TPD52L1: variants seen among roughly 807,000 people sequenced by gnomAD.
The protein encoded by TPD52L1 is tumor protein D53.
TPD52L1 carries 18 observed loss-of-function variants against 28.7 expected under a neutral mutation model. The observed-to-expected ratio is 0.63, with a 90% confidence interval of 0.43 to 0.93. TPD52L1 has a LOEUF of 0.93. TPD52L1 is among the 40% of genes least tolerant of loss of function. The pLI, the probability that TPD52L1 is intolerant of heterozygous loss-of-function variation, is 0.00. For synonymous variants in TPD52L1, 75 were observed against 88.8 expected, an observed-to-expected ratio of 0.84 and a Z score of 0.88; for missense variants, 203 against 254.8, an observed-to-expected ratio of 0.80 and a Z score of 1.39.
At chr6:125,231,431 T>A (rs1485543773) in intron 3 of TPD52L1, among the ~76,000 whole-genome samples, 3 of 152,174 alleles carry the variant, frequency 2.0e-5, no homozygotes, top group Non-Finnish European at 2.9e-5. Flanking sequence ...AAGGAAGGCT[T>A]CTAGCCTCTT....
At chr6:125,234,528 T>A (rs773477086) in intron 3 of TPD52L1, 9 of 152,220 alleles carry the variant, frequency 5.9e-5, no homozygotes, top group Admixed American at 1.3e-4. Context: ...CTGCTTTTAC[T>A]TAAGGAAAAC....
intron 1 of TPD52L1, among the ~76,000 whole-genome samples, chr6:125,163,081 G>C (rs935608580): frequency 5.9e-5 from 9 of 152,172 alleles, no homozygotes; most frequent in Non-Finnish European, 7.3e-5. Context: ...AGATGAACTT[G>C]ACATGGTGTC....
At chr6:125,253,044 A>G (rs993089557) in intron 4 of TPD52L1, 1 of 152,308 alleles carries the variant, frequency 6.6e-6, no homozygotes, top group Non-Finnish European at 1.5e-5. Context: ...GTAACAGGCA[A>G]CCAACCAGAG....
intron 4 of TPD52L1, chr6:125,251,886 A>G (rs1347698588): frequency 6.4e-6 from 5 of 785,644 alleles, no homozygotes; most frequent in Non-Finnish European, 8.3e-6. Flanking sequence ...CAGTGTAATC[A>G]AGAGTGGTAA....
intron 1 of TPD52L1, among the ~76,000 whole-genome samples, chr6:125,216,379 G>C (rs78557682): frequency 0.045 from 6,767 of 151,246 alleles, 172 homozygotes; most frequent in East Asian, 0.08. Flanking sequence ...CAGCAAACAG[G>C]GTAAATTATT....
intron 1 of TPD52L1, among the ~76,000 whole-genome samples, chr6:125,162,888 ACAT>A (rs1790614013): frequency 6.6e-6 from 1 of 152,258 alleles, no homozygotes; most frequent in South Asian, 2.1e-4. Context: ...CCTTATAATA[ACAT>A]CATGAGGTAG....
At chr6:125,165,721 A>G (rs1000608169) in intron 1 of TPD52L1, among the ~76,000 whole-genome samples, 1 of 152,212 alleles carries the variant, frequency 6.6e-6, no homozygotes, top group Admixed American at 6.5e-5. Context: ...ATAATTAGAC[A>G]TTTCTTTTGT....
intron 6 of TPD52L1, chr6:125,260,982 A>AAAGAAAGAAAAG (rs71551733): frequency 2.2e-5 from 1 of 44,762 alleles, no homozygotes; most frequent in Admixed American, 2.7e-4. Context: ...GAAAGAAAAG[A>AAAGAAAGAAAAG]AAAGAAAGAA....
intron 1 of TPD52L1, among the ~76,000 whole-genome samples, chr6:125,172,595 TTA>T (rs1178018672): frequency 1.3e-4 from 13 of 99,290 alleles, no homozygotes; most frequent in South Asian, 3.3e-4. Flanking sequence ...ATATATACAA[TTA>T]TATATATAAA....
chr6:125,172,169 CT>C (rs1437228653), intron 1 of TPD52L1, among the ~76,000 whole-genome samples: 1 of 96,912 alleles, frequency 1.0e-5, no homozygotes, highest in Non-Finnish European at 2.1e-5. Flanking sequence ...TTCTTTCTTT[CT>C]TTCTTTCTTT....
At chr6:125,260,468 T>A (rs1797848636) in intron 6 of TPD52L1, 1 of 152,218 alleles carries the variant, frequency 6.6e-6, no homozygotes, top group Non-Finnish European at 1.5e-5. Flanking sequence ...AAAATTAAAT[T>A]ACATAAGTTC....
chr6:125,165,380 C>T (rs1790828022), intron 1 of TPD52L1, among the ~76,000 whole-genome samples: 1 of 152,036 alleles, frequency 6.6e-6, no homozygotes, highest in African/African-American at 2.4e-5. Flanking sequence ...GCTTTGGGTC[C>T]TCAAGGAAAG....
intron 1 of TPD52L1, among the ~76,000 whole-genome samples, chr6:125,198,821 A>C (rs1252815892): frequency 6.6e-6 from 1 of 152,160 alleles, no homozygotes; most frequent in African/African-American, 2.4e-5. Context: ...TTACGGGATG[A>C]GTACTACTCG....
intron 4 of TPD52L1, chr6:125,252,104 C>G (rs1797309562): frequency 3.3e-6 from 5 of 1,516,542 alleles, no homozygotes; most frequent in Non-Finnish European, 3.5e-6. Flanking sequence ...TTCCAGGGCT[C>G]CCTGTTTCTT....
chr6:125,263,060 A>G lies in TPD52L1; in HGVS notation c.*98A>G. The G allele has an allele frequency of 7.1e-7, 1 of 1,402,318 alleles. No individual in the cohort carries two copies. The highest frequency in any genetic ancestry group is 9.4e-7 in the Non-Finnish European group (1 of 1,065,706). The allele number at this position is 1,402,318 out of a possible 1,614,324, so 86.9% of individuals were successfully genotyped here. On this transcript the variant is annotated 3_prime_UTR_variant, in exon 7 of 7. Coordinates refer to ENST00000534000, the MANE Select transcript of TPD52L1 (RefSeq NM_003287.4). Reference sequence around the variant, plus strand: ...AAGAAGACCAAAATCCCGCTGGGAAAAACCCAGGCCTTGACATTGTTATTC... The same window carrying G: ...AAGAAGACCAAAATCCCGCTGGGAAGAACCCAGGCCTTGACATTGTTATTC...
chr6:125,162,006 A>G (rs1790551226), intron 1 of TPD52L1, among the ~76,000 whole-genome samples: 1 of 152,140 alleles, frequency 6.6e-6, no homozygotes, highest in Non-Finnish European at 1.5e-5. Flanking sequence ...CCAAGGAAAA[A>G]ATTATTTTGC....
chr6:125,263,160 T>A lies in TPD52L1; in HGVS notation c.*198T>A. ...TGATGGACCACTTGACCATCACATTTCAGTATTCATAGATGACTGTCACAT... is the reference window on the plus strand; with the variant it reads ...TGATGGACCACTTGACCATCACATTACAGTATTCATAGATGACTGTCACAT... On this transcript the variant is annotated 3_prime_UTR_variant, in exon 7 of 7. Coordinates refer to ENST00000534000, the MANE Select transcript of TPD52L1 (RefSeq NM_003287.4). 3.3e-6 allele frequency: 2 copies of A among 614,586 alleles called. No homozygotes were observed. The highest frequency in any genetic ancestry group is 5.5e-6 in the Non-Finnish European group (2 of 365,838). The allele number at this position is 614,586 out of a possible 1,614,324, so 38.1% of individuals were successfully genotyped here.
At chr6:125,231,618 GTTGTTGTTGTTGTTGTTTGT>G (rs1342187145) in intron 3 of TPD52L1, among the ~76,000 whole-genome samples, 4 of 148,096 alleles carry the variant, frequency 2.7e-5, no homozygotes, top group Non-Finnish European at 5.9e-5. Flanking sequence ...TTTTGTTGTT[GTTGTTGTTGTTGTTGTTTGT>G]TTGTTTGTTT....
intron 1 of TPD52L1, among the ~76,000 whole-genome samples, chr6:125,185,647 G>GA (rs1168584845): frequency 6.6e-6 from 1 of 151,008 alleles, no homozygotes; most frequent in Non-Finnish European, 1.5e-5. Flanking sequence ...TAAGAAACTA[G>GA]AAAAAAAATA....
Sources: allele counts gnomAD v4.1 joint callset (sites outside exome capture counted in the v4.1 genomes callset), GRCh38; gene constraint gnomAD v4.1.1; transcripts MANE v1.5; gene names NCBI Gene and HGNC (gene_info 2026-07-23, HGNC 2026-07-21).